NOX4: variants seen among roughly 807,000 people sequenced by gnomAD.
NOX4 encodes the protein NADPH oxidase 4, also known as kidney oxidase-1.
A neutral mutation model predicts 87.6 loss-of-function variants in NOX4; 69 were observed. The ratio of observed to expected loss-of-function variants is 0.79; its 90% CI spans 0.65 to 0.96. The LOEUF (loss-of-function observed/expected upper bound fraction) is 0.96, where lower values mean the gene tolerates loss of function less well. Among genes scored for constraint, NOX4 ranks in the 40% least tolerant of loss-of-function variants. The pLI is 0.00. For synonymous variants in NOX4, 275 were observed against 238.2 expected (o/e 1.15, Z -1.42); for missense variants, 680 against 681.5 (o/e 1.00, Z 0.02).
chr11:89,478,424 T>C (rs904863859), intron 2 of NOX4, among the ~76,000 whole-genome samples: 3 of 152,160 alleles, frequency 2.0e-5, no homozygotes, highest in Admixed American at 6.5e-5. Context: ...TCAACTTAAA[T>C]CAATTTTCCA....
chr11:89,534,997 A>C, the NOX4 span, among the ~76,000 whole-genome samples: 4 of 152,232 alleles, frequency 2.6e-5, no homozygotes, highest in African/African-American at 9.6e-5. Context: ...GCTTAATTTC[A>C]TAAAACTGAA....
chr11:89,355,945 G>A (rs755522072), intron 12 of NOX4, among the ~76,000 whole-genome samples: 12 of 151,928 alleles, frequency 7.9e-5, no homozygotes, highest in South Asian at 2.1e-4. Flanking sequence ...GTGCTTATTC[G>A]CAAACAAAAT....
chr11:89,354,888 T>G, intron 13 of NOX4, 74 bp downstream of exon 13: 1 of 853,862 alleles, frequency 1.2e-6, no homozygotes, highest in South Asian at 1.8e-5. Context: ...TTACATTTTG[T>G]TTTTGCCTGC....
At chr11:89,515,206 T>C in the NOX4 span, among the ~76,000 whole-genome samples, 1 of 152,040 alleles carries the variant, frequency 6.6e-6, no homozygotes, top group Non-Finnish European at 1.5e-5. Context: ...TTCAAAGTAG[T>C]TGTACCCTTT....
intron 12 of NOX4, among the ~76,000 whole-genome samples, chr11:89,370,565 G>A (rs317161): frequency 0.014 from 2,131 of 152,120 alleles, 46 homozygotes; most frequent in African/African-American, 0.049. Context: ...CTGACCATAT[G>A]TTTGAAACTG....
At chr11:89,568,020 G>A in the NOX4 span, among the ~76,000 whole-genome samples, 1 of 152,156 alleles carries the variant, frequency 6.6e-6, no homozygotes, top group Non-Finnish European at 1.5e-5. Context: ...TGTGGACTGG[G>A]AACATCTCTA....
chr11:89,450,328 A>G (rs562895183), intron 3 of NOX4, among the ~76,000 whole-genome samples: 1 of 152,338 alleles, frequency 6.6e-6, no homozygotes, highest in East Asian at 1.9e-4. Context: ...TGCACACATT[A>G]AATTCATAGA....
chr11:89,432,848 G>T lies in NOX4; in HGVS notation c.484C>A (p.Leu162Met), dbSNP rs770361299. 1 of 1,609,050 alleles carries T rather than the reference G, an allele frequency of 6.2e-7. No individual in the cohort carries two copies. Among genetic ancestry groups the T allele is most frequent in the Non-Finnish European group, 8.5e-7 (1 of 1,176,368 alleles). ...RKLLFTTVPG[L>M]TGVCMVVVLF... The stretch of plus-strand genomic sequence containing the variant: ...ACCACCACCATGCAGACCCCTGTCA[G>T]GCCAGGAACTATAAAAATGTATACA... Residue 162 changes from leucine (L) to methionine (M), a missense_variant, in exon 7 of 18, where the codon CTG becomes ATG. Physicochemically the swap from Leu to Met is conservative, Grantham distance 15. Coordinates refer to ENST00000263317, the MANE Select transcript of NOX4 (RefSeq NM_016931.5).
In NOX4 at chr11:89,438,875, A is replaced by AT. The variant is rs1565293978; in HGVS notation, c.475+1812_475+1813insA. Among the ~76,000 whole-genome samples, 9 of 52,462 alleles carry AT rather than the reference A, an allele frequency of 1.7e-4. 1 individual carries two copies. The South Asian group carries it at 2.6e-3, about 15-fold the overall frequency. The allele number at this position is 52,462 out of a possible 152,430, so 34.4% of individuals were successfully genotyped here. A position where few individuals can be genotyped will look rare whatever the true frequency, so the allele number is the denominator to read the frequency against. ...ATAATATATTATATATTATATATATAATATATAATATATTATATATTATAT... is the reference window on the plus strand; with the variant it reads ...ATAATATATTATATATTATATATATATATATATAATATATTATATATTATAT... On this transcript the variant is annotated intron_variant, in intron 6 of 17. Transcript: ENST00000263317.
rs370527856 is a variant in NOX4, at chr11:89,467,552, C to T, written c.154-15657G>A. ...AGGCAGATTCAGTGTCTGGTTAGGG[C>T]CCACTTCCTCATAGACAGTGCCTTC... On this transcript the variant is annotated intron_variant, in intron 2 of 17. Coordinates refer to ENST00000263317, the MANE Select transcript of NOX4 (RefSeq NM_016931.5). 7.2e-5 allele frequency among the ~76,000 whole-genome samples: 11 copies of T among 152,126 alleles called. No individual in the cohort carries two copies. In the East Asian group the frequency reaches 2.1e-3, roughly 30 times the overall value.
At chr11:89,491,756 AC>A (rs1946865421), upstream of NOX4, among the ~76,000 whole-genome samples, 3 of 144,262 alleles carry the variant, frequency 2.1e-5, no homozygotes, top group African/African-American at 8.2e-5. Context: ...ACACACACAC[AC>A]ACACACACAA....
chr11:89,461,293 A>G (rs1007548850), intron 2 of NOX4, among the ~76,000 whole-genome samples: 8 of 152,084 alleles, frequency 5.3e-5, no homozygotes, highest in Admixed American at 2.6e-4. Context: ...ATGTACCCTA[A>G]AACTTAAAGT....
intron 11 of NOX4, among the ~76,000 whole-genome samples, chr11:89,395,532 C>T (rs1164202640): frequency 2.6e-5 from 4 of 152,230 alleles, no homozygotes; most frequent in East Asian, 3.9e-4. Flanking sequence ...CCTATTTTGG[C>T]TTTTTTTGCT....
chr11:89,440,821 A>G lies in NOX4; in HGVS notation c.448-106T>C, dbSNP rs1020849094. 2.0e-5 allele frequency: 11 copies of G among 559,306 alleles called. No individual in the cohort carries two copies. The African/African-American group carries it at 2.2e-4, about 11-fold the overall frequency. The allele number at this position is 559,306 out of a possible 1,614,324, so 34.6% of individuals were successfully genotyped here. On this transcript the variant is annotated intron_variant, in intron 5 of 17. Coordinates refer to ENST00000263317, the MANE Select transcript of NOX4 (RefSeq NM_016931.5). ...ACAAACCACATACTTGTCATGTAAAATACTGTTCATCCAACGGAAGTGAGA... is the reference window on the plus strand; with the variant it reads ...ACAAACCACATACTTGTCATGTAAAGTACTGTTCATCCAACGGAAGTGAGA...
At chr11:89,488,935 C>T (rs1016673875) in intron 2 of NOX4, 13 of 686,370 alleles carry the variant, frequency 1.9e-5, no homozygotes, top group African/African-American at 3.5e-5. Flanking sequence ...ACTTGAGGGG[C>T]GAGGTGAGGT....
chr11:89,420,424 C>T (rs1565265209), intron 8 of NOX4, among the ~76,000 whole-genome samples: 1 of 152,022 alleles, frequency 6.6e-6, no homozygotes, highest in Admixed American at 6.6e-5. Context: ...GAATGTAAAG[C>T]AGTCTTTTAT....
At chr11:89,345,111 G>C (rs561828058) in intron 13 of NOX4, among the ~76,000 whole-genome samples, 1 of 152,246 alleles carries the variant, frequency 6.6e-6, no homozygotes, top group African/African-American at 2.4e-5. Context: ...GTTCTCCCTT[G>C]ATAGCTTTCA....
the NOX4 span, among the ~76,000 whole-genome samples, chr11:89,549,269 G>A: frequency 6.6e-6 from 1 of 152,036 alleles, no homozygotes; most frequent in Non-Finnish European, 1.5e-5. Flanking sequence ...TTTTCTATAA[G>A]CTAATTATTC....
intron 4 of NOX4, among the ~76,000 whole-genome samples, chr11:89,445,248 TC>T (rs1430234549): frequency 6.6e-6 from 1 of 151,954 alleles, no homozygotes; most frequent in East Asian, 1.9e-4. Context: ...GTGCAATGGT[TC>T]AAAAGAAGAC....
Sources: gnomAD v4.1 joint callset for allele counts (sites outside exome capture counted in the v4.1 genomes callset) on GRCh38, gnomAD v4.1.1 for gene constraint, MANE v1.5 for transcripts, NCBI Gene and HGNC (gene_info 2026-07-23, HGNC 2026-07-21) for gene names.